Variants in MTX2 observed in about 807,000 individuals in gnomAD.
MTX2 encodes the protein metaxin 2.
A neutral mutation model predicts 42.3 loss-of-function variants in MTX2; 35 were observed. The observed-to-expected ratio is 0.83, with a 90% confidence interval of 0.63 to 1.10. MTX2 has a LOEUF of 1.10. Ranked by LOEUF, MTX2 falls within the 50% of genes least tolerant of loss-of-function variation. The pLI is 0.00. For synonymous variants in MTX2, 119 were observed against 100.9 expected, an observed-to-expected ratio of 1.18 and a Z score of -1.08; for missense variants, 307 against 304.1, an observed-to-expected ratio of 1.01 and a Z score of -0.07.
rs1692743717 is a variant in MTX2 at position 176,269,601 on chromosome 2, G to A, written c.-29G>A. On this transcript the variant is annotated 5_prime_UTR_variant, in exon 1 of 10. Transcript: ENST00000249442. ...GGACGCTGAGGCCCGTGGGGGGCAG[G>A]CACCCGGGCGCCGGGCCTCCCAGCC... 3 of 1,569,410 alleles carry A rather than the reference G, an allele frequency of 1.9e-6. No individual in the cohort carries two copies. Among genetic ancestry groups the A allele is most frequent in the Non-Finnish European group, 1.7e-6 (2 of 1,162,228 alleles).
chr2:176,321,800 A>C (rs552895466), intron 3 of MTX2, among the ~76,000 whole-genome samples: 15 of 152,338 alleles, frequency 9.8e-5, no homozygotes, highest in African/African-American at 3.6e-4. Context: ...CCTTGTGTGC[A>C]GATAGTTTCT....
At chr2:176,329,457 C>T (rs781759586) in intron 8 of MTX2, 31 bp downstream of exon 8, 5 of 1,581,682 alleles carry the variant, frequency 3.2e-6, no homozygotes, top group Non-Finnish European at 4.3e-6. Context: ...ACAAAACCCT[C>T]AACTTTTATG....
chr2:176,313,732 T>G (rs1323649936), intron 3 of MTX2, among the ~76,000 whole-genome samples: 2 of 152,034 alleles, frequency 1.3e-5, no homozygotes, highest in Non-Finnish European at 2.9e-5. Context: ...ATGCAGAGGA[T>G]TTCCTTCTTT....
At chr2:176,310,130 G>C (rs1356911424) in intron 3 of MTX2, among the ~76,000 whole-genome samples, 4 of 152,064 alleles carry the variant, frequency 2.6e-5, no homozygotes, top group East Asian at 1.9e-4. Context: ...GCATTTGCTT[G>C]TCTGTAAAGG....
chr2:176,309,195 A>T lies in MTX2; in HGVS notation c.135+11300A>T, dbSNP rs547126755. On this transcript the variant is annotated intron_variant, in intron 3 of 9. Transcript: ENST00000249442. ...AGGTTGTTCAGTTTCCATGTAGCTG[A>T]GCAGTTCTGAGTGAGTTTCTTAATC... Among the ~76,000 whole-genome samples, 266 of 152,256 alleles carry T rather than the reference A, an allele frequency of 1.7e-3. 2 individuals are homozygous for T. The highest frequency in any genetic ancestry group is 5.8e-3 in the African/African-American group (242 of 41,558).
At chr2:176,305,584 C>T (rs1190251506) in intron 3 of MTX2, among the ~76,000 whole-genome samples, 2 of 151,960 alleles carry the variant, frequency 1.3e-5, no homozygotes, top group Non-Finnish European at 2.9e-5. Context: ...GGCTTTTATC[C>T]GTTCATTTAT....
intron 2 of MTX2, among the ~76,000 whole-genome samples, chr2:176,297,513 A>G (rs1445581848): frequency 6.6e-6 from 1 of 152,200 alleles, no homozygotes; most frequent in Non-Finnish European, 1.5e-5. Flanking sequence ...ATTATTGTGA[A>G]TGCTTTTACT....
intron 1 of MTX2, chr2:176,270,385 T>C (rs372373902): frequency 8.1e-6 from 11 of 1,363,980 alleles, no homozygotes; most frequent in African/African-American, 1.5e-5. Flanking sequence ...GAAATACTTT[T>C]GAGTCGGTGG....
intron 4 of MTX2, 102 bp from the exon 5 acceptor site, chr2:176,326,723 C>A: frequency 1.4e-6 from 1 of 711,876 alleles, no homozygotes; most frequent in South Asian, 2.2e-5. Flanking sequence ...TTATGAAATC[C>A]CTATTTATAA....
rs188185055 is a variant in MTX2 at position 176,308,752 on chromosome 2, T to G, written c.135+10857T>G. Among the ~76,000 whole-genome samples, 465 of 152,338 alleles carry G rather than the reference T, an allele frequency of 3.1e-3. 2 individuals are homozygous for G. Among genetic ancestry groups the G allele is most frequent in the Non-Finnish European group, 3.4e-3 (228 of 68,026 alleles). ...CGTTGGTGATATCCCCTTTGTCATT[T>G]TTTATTGTGTCTATTTGATTCTTCT... On this transcript the variant is annotated intron_variant, in intron 3 of 9. Transcript: ENST00000249442.
chr2:176,329,479 T>C (rs930111179), intron 8 of MTX2, 53 bp downstream of exon 8: 34 of 1,524,382 alleles, frequency 2.2e-5, no homozygotes, highest in Non-Finnish European at 2.9e-5. Context: ...ATTAAAAGAA[T>C]CATTCTTTAT....
chr2:176,270,525 A>G (rs1692783147), intron 1 of MTX2: 1 of 737,836 alleles, frequency 1.4e-6, no homozygotes, highest in Admixed American at 2.7e-5. Flanking sequence ...ATAGAGGCTA[A>G]TGGAATTAGT....
chr2:176,330,950 A>G (rs1305271626), intron 9 of MTX2, among the ~76,000 whole-genome samples: 1 of 151,076 alleles, frequency 6.6e-6, no homozygotes, highest in Non-Finnish European at 1.5e-5. Flanking sequence ...ACATGGAACT[A>G]CAAAATCTTA....
chr2:176,270,232 A>G lies in MTX2; in HGVS notation c.40+563A>G, dbSNP rs141258264. Reference sequence around the variant, plus strand: ...GTCACCGAGGCTGGAGTGCAGTGGCACAACCTGGGCTCACTGCAACCTCCG... The same window carrying G: ...GTCACCGAGGCTGGAGTGCAGTGGCGCAACCTGGGCTCACTGCAACCTCCG... On this transcript the variant is annotated intron_variant, in intron 1 of 9. Coordinates refer to ENST00000249442, the MANE Select transcript of MTX2 (RefSeq NM_006554.5). 2,420 of 505,002 alleles carry G rather than the reference A, an allele frequency of 4.8e-3. 51 individuals carry two copies. Among genetic ancestry groups the G allele is most frequent in the African/African-American group, 0.045 (2,241 of 49,360 alleles). The allele number at this position is 505,002 out of a possible 1,614,324, so 31.3% of individuals were successfully genotyped here. A position where few individuals can be genotyped will look rare whatever the true frequency, so the allele number is the denominator to read the frequency against.
intron 9 of MTX2, among the ~76,000 whole-genome samples, 176 bp from the exon 10 acceptor site, chr2:176,337,317 C>T (rs1685015648): frequency 6.6e-6 from 1 of 152,182 alleles, no homozygotes; most frequent in African/African-American, 2.4e-5. Context: ...GCTGGGATTA[C>T]AGGCATGAGC....
At chr2:176,272,674 CTA>C (rs1051580732) in intron 1 of MTX2, among the ~76,000 whole-genome samples, 38 of 151,890 alleles carry the variant, frequency 2.5e-4, no homozygotes, top group Non-Finnish European at 3.8e-4. Flanking sequence ...AAAATAATAT[CTA>C]TTTTGTATGA....
intron 8 of MTX2, among the ~76,000 whole-genome samples, chr2:176,330,369 T>C (rs187675043): frequency 9.4e-4 from 141 of 149,304 alleles, no homozygotes; most frequent in African/African-American, 3.0e-3. Flanking sequence ...GTATTTCTTA[T>C]AAGTATTTCT....
intron 3 of MTX2, among the ~76,000 whole-genome samples, chr2:176,307,253 T>C (rs1166431778): frequency 6.6e-6 from 1 of 152,204 alleles, no homozygotes; most frequent in Non-Finnish European, 1.5e-5. Flanking sequence ...CTCTGTTCTG[T>C]TCCATTGGTC....
chr2:176,275,504 G>T (rs1692926619), intron 1 of MTX2, among the ~76,000 whole-genome samples: 1 of 152,118 alleles, frequency 6.6e-6, no homozygotes, highest in Non-Finnish European at 1.5e-5. Context: ...CTCCCAAAGT[G>T]CTGAGATTAC....
Sources: gnomAD v4.1 joint callset for allele counts (sites outside exome capture counted in the v4.1 genomes callset) on GRCh38, gnomAD v4.1.1 for gene constraint, MANE v1.5 for transcripts, NCBI Gene and HGNC (gene_info 2026-07-23, HGNC 2026-07-21) for gene names.